Variants in LGSN observed in about 807,000 individuals in gnomAD.
The protein encoded by LGSN is lengsin.
A neutral mutation model predicts 19.5 loss-of-function variants in LGSN; 21 were observed. The observed-to-expected ratio is 1.07, with a 90% CI of 0.76 to 1.55. The LOEUF is 1.55. Ranked by LOEUF, LGSN falls within the 40% of genes most tolerant of loss-of-function variation. The pLI is 0.00. For missense variants in LGSN, 673 were observed against 608.5 expected, an observed-to-expected ratio of 1.11 and a Z score of -1.12; for synonymous variants, 257 against 215.6, an observed-to-expected ratio of 1.19 and a Z score of -1.68.
the LGSN span, among the ~76,000 whole-genome samples, chr6:63,412,752 AAAGAAAGAAAGAAAGAAAGGAAG>A: frequency 0.028 from 2,675 of 94,962 alleles, 68 homozygotes; most frequent in Admixed American, 0.036. Flanking sequence ...AGAAAGAAAG[AAAGAAAGAAAGAAAGAAAGGAAG>A]GAAGGGAAGG....
At chr6:63,486,918 C>T in the LGSN span, among the ~76,000 whole-genome samples, 1 of 151,728 alleles carries the variant, frequency 6.6e-6, no homozygotes, top group East Asian at 1.9e-4. Flanking sequence ...TCACTGTAAC[C>T]TCCACCTCCC....
At chr6:63,328,273 G>C in the LGSN span, among the ~76,000 whole-genome samples, 1 of 152,202 alleles carries the variant, frequency 6.6e-6, no homozygotes, top group Non-Finnish European at 1.5e-5. Context: ...GGACTTCTAA[G>C]AGATCATCTT....
the LGSN span, among the ~76,000 whole-genome samples, chr6:63,418,216 C>T: frequency 6.6e-6 from 1 of 152,122 alleles, no homozygotes; most frequent in African/African-American, 2.4e-5. Context: ...ATGTAGTAGA[C>T]ACTTTTTCAC....
the LGSN span, chr6:63,396,275 C>A: frequency 5.7e-6 from 1 of 176,958 alleles, no homozygotes; most frequent in South Asian, 1.1e-4. Context: ...GGGTTTCCAC[C>A]AGGATGAATC....
chr6:63,482,636 G>T, the LGSN span, among the ~76,000 whole-genome samples: 1 of 152,108 alleles, frequency 6.6e-6, no homozygotes, highest in East Asian at 1.9e-4. Context: ...GAAGGCACGA[G>T]AATTGCTTGA....
upstream of LGSN, chr6:63,320,000 A>C (rs1769029957): frequency 3.1e-6 from 4 of 1,285,414 alleles, no homozygotes; most frequent in East Asian, 9.2e-5. Context: ...AAATGCATTC[A>C]ACATGTATTT....
At chr6:63,472,687 T>C in the LGSN span, among the ~76,000 whole-genome samples, 1 of 152,172 alleles carries the variant, frequency 6.6e-6, no homozygotes, top group African/African-American at 2.4e-5. Flanking sequence ...AAGCCTGTAA[T>C]CCCAGCACTT....
At chr6:63,309,222 A>T (rs555742171) in intron 1 of LGSN, among the ~76,000 whole-genome samples, 1 of 152,186 alleles carries the variant, frequency 6.6e-6, no homozygotes, top group African/African-American at 2.4e-5. Flanking sequence ...ACCTGAGGTC[A>T]GGAGTTTGAG....
chr6:63,406,568 G>C, the LGSN span, among the ~76,000 whole-genome samples: 1 of 149,872 alleles, frequency 6.7e-6, no homozygotes, highest in Non-Finnish European at 1.5e-5. Flanking sequence ...GCCCACAAGA[G>C]AAAGCAGGAA....
chr6:63,449,478 G>C, the LGSN span, among the ~76,000 whole-genome samples: 1 of 151,334 alleles, frequency 6.6e-6, no homozygotes, highest in Non-Finnish European at 1.5e-5. Flanking sequence ...CTAGGAGGCA[G>C]AGGTTGCAGT....
chr6:63,467,560 A>T, the LGSN span, among the ~76,000 whole-genome samples: 1 of 152,306 alleles, frequency 6.6e-6, no homozygotes, highest in Admixed American at 6.5e-5. Context: ...CCAATGGGGC[A>T]CCTTCTCCCT....
At chr6:63,389,895 G>C in the LGSN span, among the ~76,000 whole-genome samples, 24 of 151,856 alleles carry the variant, frequency 1.6e-4, no homozygotes, top group African/African-American at 5.6e-4. Flanking sequence ...TAATGTACAT[G>C]CTTCAAAGTT....
chr6:63,332,768 C>T, the LGSN span, among the ~76,000 whole-genome samples: 7 of 152,258 alleles, frequency 4.6e-5, no homozygotes, highest in South Asian at 8.3e-4. Context: ...ATGGTCTCAT[C>T]GCTCAGCAAT....
the LGSN span, among the ~76,000 whole-genome samples, chr6:63,432,106 A>G: frequency 9.8e-6 from 1 of 102,524 alleles, no homozygotes; most frequent in Non-Finnish European, 2.0e-5. Flanking sequence ...AGAAAGAAAG[A>G]AAGAAAGAAA....
chr6:63,448,374 G>A, the LGSN span, among the ~76,000 whole-genome samples: 1 of 152,124 alleles, frequency 6.6e-6, no homozygotes, highest in African/African-American at 2.4e-5. Flanking sequence ...AATCTCCCAT[G>A]AGTTCATCCT....
At chr6:63,460,597 G>C in the LGSN span, among the ~76,000 whole-genome samples, 1 of 151,976 alleles carries the variant, frequency 6.6e-6, no homozygotes, top group Non-Finnish European at 1.5e-5. Context: ...CCACTTCCTT[G>C]TTCATTTCTA....
chr6:63,415,602 G>A, the LGSN span, among the ~76,000 whole-genome samples: 1 of 152,256 alleles, frequency 6.6e-6, no homozygotes, highest in African/African-American at 2.4e-5. Context: ...ATTTCTACCT[G>A]GTCTCTCCCT....
rs981324371 is a variant in LGSN, at chr6:63,279,530, G to A, written c.*491C>T. The A allele has an allele frequency of 1.3e-5, 2 of 152,404 alleles. No individual in the cohort carries two copies. Among genetic ancestry groups the A allele is most frequent in the Non-Finnish European group, 2.9e-5 (2 of 68,322 alleles). The allele number at this position is 152,404 out of a possible 1,614,324, so 9.4% of individuals were successfully genotyped here. A position where few individuals can be genotyped will look rare whatever the true frequency, so the allele number is the denominator to read the frequency against. ...TTAACTTGTTTAGAAAGACCATAAT[G>A]GTGCATACAACCTGGATTCACAATA... On this transcript the variant is annotated 3_prime_UTR_variant, in exon 4 of 4. Coordinates refer to ENST00000370657, the MANE Select transcript of LGSN (RefSeq NM_016571.3).
chr6:63,287,954 G>C (rs1004415198), intron 2 of LGSN, among the ~76,000 whole-genome samples: 68 of 151,948 alleles, frequency 4.5e-4, no homozygotes, highest in Admixed American at 4.5e-3. Flanking sequence ...AGTGGCTCAA[G>C]CCTGTAATCT....
Sources: allele counts gnomAD v4.1 joint callset (sites outside exome capture counted in the v4.1 genomes callset), GRCh38; gene constraint gnomAD v4.1.1; transcripts MANE v1.5; gene names NCBI Gene and HGNC (gene_info 2026-07-23, HGNC 2026-07-21).